ANK1: variants seen among roughly 807,000 people sequenced by gnomAD.
The protein encoded by ANK1 is ankyrin 1.
A neutral mutation model predicts 210.4 loss-of-function variants in ANK1; 51 were observed. That is an observed-to-expected ratio of 0.24 (90% CI 0.19 to 0.31). The LOEUF (loss-of-function observed/expected upper bound fraction) is 0.31. Ranked by LOEUF, ANK1 falls within the 10% of genes least tolerant of loss-of-function variation. The pLI, the probability that ANK1 is intolerant of heterozygous loss-of-function variation, is 1.00. For synonymous variants in ANK1, 967 were observed against 1,025.9 expected (o/e 0.94, Z 1.10); for missense variants, 2,051 against 2,504.4 (o/e 0.82, Z 3.86).
At chr8:41,706,019 C>A in intron 18 of ANK1, 124 bp downstream of exon 18, 2 of 945,562 alleles carry the variant, frequency 2.1e-6, no homozygotes, top group Admixed American at 1.8e-5. Flanking sequence ...CACTGCCAGC[C>A]CTAGGAAGTG....
intron 2 of ANK1, among the ~76,000 whole-genome samples, chr8:41,753,653 G>A (rs543366799): frequency 4.6e-5 from 7 of 152,186 alleles, no homozygotes; most frequent in Non-Finnish European, 4.4e-5. Context: ...TAGTGAACAC[G>A]GTACCCAATA....
Position 41,684,715 on chromosome 8 carries a change from C to A in ANK1, c.4391-25G>T, listed in dbSNP as rs779496057. The stretch of plus-strand genomic sequence containing the variant: ...ACTGTGGGCGCAGAAGAGAGATGCA[C>A]GTTACTCCAGGCCGGTGAGCGAGGA... On this transcript the variant is annotated intron_variant, in intron 36 of 42. Coordinates refer to ENST00000289734, the MANE Select transcript of ANK1 (RefSeq NM_000037.4). 11 of 1,611,464 alleles carry A rather than the reference C, an allele frequency of 6.8e-6. No individual in the cohort carries two copies. In the East Asian group the frequency reaches 2.2e-4, roughly 33 times the overall value.
At chr8:41,741,910 C>T (rs558281083) in intron 2 of ANK1, among the ~76,000 whole-genome samples, 8 of 152,318 alleles carry the variant, frequency 5.3e-5, no homozygotes, top group African/African-American at 1.9e-4. Context: ...AGGAGATAAC[C>T]TTTTAAGGCT....
At chr8:41,703,448 A>ATATATATATATATG (rs1823551215) in intron 20 of ANK1, among the ~76,000 whole-genome samples, 7 of 60,198 alleles carry the variant, frequency 1.2e-4, no homozygotes, top group Non-Finnish European at 2.1e-4. Context: ...ATATATATAT[A>ATATATATATATATG]TATTTTTTTT....
Position 41,718,003 on chromosome 8 carries a change from C to T in ANK1, c.1206+103G>A, listed in dbSNP as rs1029779285. 12 of 1,121,180 alleles carry T rather than the reference C, an allele frequency of 1.1e-5. No homozygotes were observed. In the African/African-American group the frequency reaches 1.7e-4, roughly 16 times the overall value. 69.5% of individuals were successfully genotyped at this position (1,121,180 alleles called of 1,614,324 possible). On this transcript the variant is annotated intron_variant, in intron 11 of 42. Coordinates refer to ENST00000289734, the MANE Select transcript of ANK1 (RefSeq NM_000037.4). ...CCAGCAGTCCAGACTTGCAGACACA[C>T]ACACCCCTGCAGCCATACAAAGCTA...
At chr8:41,709,071 T>C in intron 16 of ANK1, 96 bp from the exon 17 acceptor site, 2 of 1,449,724 alleles carry the variant, frequency 1.4e-6, no homozygotes, top group Non-Finnish European at 1.9e-6. Context: ...CTTGGCCGGC[T>C]GGACACCCAG....
chr8:41,816,007 A>G (rs1273205751), intron 1 of ANK1, among the ~76,000 whole-genome samples: 1 of 152,228 alleles, frequency 6.6e-6, no homozygotes, highest in African/African-American at 2.4e-5. Context: ...AGATTGGGAA[A>G]CCTTTTTAAA....
intron 7 of ANK1, among the ~76,000 whole-genome samples, chr8:41,724,053 G>A (rs1334542930): frequency 2.0e-5 from 3 of 152,046 alleles, no homozygotes; most frequent in Admixed American, 6.6e-5. Context: ...CTCCCAAAGT[G>A]CTGGGATTAC....
intron 1 of ANK1, among the ~76,000 whole-genome samples, chr8:41,758,551 A>G (rs1221654995): frequency 6.6e-6 from 1 of 151,958 alleles, no homozygotes; most frequent in East Asian, 1.9e-4. Context: ...TATGTTGCTC[A>G]GGCTGGTCTC....
chr8:41,802,890 G>C (rs1850109924), intron 1 of ANK1, among the ~76,000 whole-genome samples: 1 of 135,238 alleles, frequency 7.4e-6, no homozygotes, highest in African/African-American at 2.8e-5. Flanking sequence ...TCCAGCCTGG[G>C]TAATGAGAAT....
chr8:41,826,929 G>A (rs937968989), intron 1 of ANK1, among the ~76,000 whole-genome samples: 2 of 152,016 alleles, frequency 1.3e-5, no homozygotes, highest in Non-Finnish European at 2.9e-5. Flanking sequence ...ATCCCGTAAA[G>A]CCTTGCCTAA....
At position 41,694,176 on chromosome 8, in the gene ANK1, C is replaced by A. The variant is rs1017801483; in HGVS notation, c.3328-74G>T. 7.3e-6 allele frequency: 11 copies of A among 1,496,636 alleles called. No homozygotes were observed. The highest frequency in any genetic ancestry group is 1.0e-5 in the Non-Finnish European group (11 of 1,093,726). 92.7% of individuals were successfully genotyped at this position (1,496,636 alleles called of 1,614,324 possible). On this transcript the variant is annotated intron_variant, in intron 28 of 42. Transcript: ENST00000289734. This position sits in a 1 kb window ranked among gnomAD's most constrained non-coding sequence, Gnocchi z 5.7. ...TAATCAGACGGGAGGCAGCTCCATG[C>A]CTGGTGAGAGTGGCCGTCAGTGCAC...
chr8:41,676,467 G>T (rs986331131), intron 37 of ANK1, among the ~76,000 whole-genome samples: 1 of 152,122 alleles, frequency 6.6e-6, no homozygotes, highest in Non-Finnish European at 1.5e-5. Context: ...AGAGTTCTTT[G>T]TATATTCCAA....
chr8:41,749,184 G>A (rs555395169), intron 2 of ANK1, among the ~76,000 whole-genome samples: 15 of 152,030 alleles, frequency 9.9e-5, no homozygotes, highest in Non-Finnish European at 1.5e-4. Context: ...AACAGGGCAC[G>A]AATTTATTCA....
intron 1 of ANK1, among the ~76,000 whole-genome samples, chr8:41,842,610 C>T (rs1283056045): frequency 6.6e-6 from 1 of 152,118 alleles, no homozygotes; most frequent in East Asian, 1.9e-4. Flanking sequence ...GAGATGGAGA[C>T]TCTAAGAGCG....
Position 41,732,820 on chromosome 8 carries a change from C to T in ANK1, c.228+1151G>A, listed in dbSNP as rs181955387. Among the ~76,000 whole-genome samples the T allele has an allele frequency of 3.8e-3, 575 of 152,208 alleles. 4 individuals are homozygous for T. Among genetic ancestry groups the T allele is most frequent in the Non-Finnish European group, 5.4e-3 (369 of 68,020 alleles). ...CATGGCTCACTGCAACCTCCACCTC[C>T]GCTTGAGGCAGGGTTCAAGCGATTC... On this transcript the variant is annotated intron_variant, in intron 3 of 42. Coordinates refer to ENST00000289734, the MANE Select transcript of ANK1 (RefSeq NM_000037.4).
chr8:41,845,092 C>T (rs6993510), intron 1 of ANK1, among the ~76,000 whole-genome samples: 70,449 of 152,018 alleles, frequency 0.46, 17,438 homozygotes, highest in East Asian at 0.8. Flanking sequence ...CACACAAAGA[C>T]GTGAATTCCA....
chr8:41,672,784 C>A lies in ANK1; in HGVS notation c.4666G>T (p.Glu1556Ter). The stretch of plus-strand genomic sequence containing the variant: ...GACATCTCCAGCATGGTGTCATGCT[C>A]CGTGGCCGCCAAGGGGATGGCGTCT... ...VLDAIPLAATEHDTMLEMSDM... is the reference protein window; with the variant it reads ...VLDAIPLAAT The change falls in exon 38 of 43, where the codon GAG becomes TAG. Residue 1556 changes from glutamate (E) to a stop codon, truncating the protein, a stop_gained. Transcript: ENST00000289734. LOFTEE classifies it high-confidence loss of function. 2 of 1,603,530 alleles carry A rather than the reference C, an allele frequency of 1.2e-6. No homozygotes were observed. Among genetic ancestry groups the A allele is most frequent in the South Asian group, 2.2e-5 (2 of 89,620 alleles).
chr8:41,846,551 G>A (rs942387429), intron 1 of ANK1, among the ~76,000 whole-genome samples: 2 of 152,254 alleles, frequency 1.3e-5, no homozygotes, highest in African/African-American at 4.8e-5. Flanking sequence ...CAGGGGCCAA[G>A]GGGAAATTGC....
Sources: allele counts gnomAD v4.1 joint callset (sites outside exome capture counted in the v4.1 genomes callset), GRCh38; gene constraint gnomAD v4.1.1; non-coding constraint Gnocchi (gnomAD v3.1); transcripts MANE v1.5; gene names NCBI Gene and HGNC (gene_info 2026-07-23, HGNC 2026-07-21).